MEIOB: variants seen among roughly 807,000 people sequenced by gnomAD.
MEIOB encodes the protein meiosis specific with OB-fold, also known as meiosis-specific with OB domain-containing protein.
A neutral mutation model predicts 53.1 loss-of-function variants in MEIOB; 50 were observed. The observed-to-expected ratio is 0.94, with a 90% CI of 0.75 to 1.19. The LOEUF (loss-of-function observed/expected upper bound fraction) is 1.19, where lower values mean the gene tolerates loss of function less well. MEIOB is among the 50% of genes most tolerant of loss of function. The pLI is 0.00. For synonymous variants in MEIOB, 192 were observed against 182.5 expected, an observed-to-expected ratio of 1.05 and a Z score of -0.42; for missense variants, 551 against 550.8, an observed-to-expected ratio of 1.00 and a Z score of 0.00.
chr16:1,865,380 C>G (rs970068479), intron 3 of MEIOB, among the ~76,000 whole-genome samples: 1 of 150,330 alleles, frequency 6.7e-6, no homozygotes, highest in South Asian at 2.1e-4. Flanking sequence ...TGCAGTGAGT[C>G]GAGATCGTGC....
chr16:1,844,941 C>T lies in MEIOB; in HGVS notation c.801G>A (p.Leu267=). 1.9e-6 allele frequency: 3 copies of T among 1,539,732 alleles called. No homozygotes were observed. The highest frequency in any genetic ancestry group is 2.7e-6 in the Non-Finnish European group (3 of 1,120,794). Residue 267 remains leucine (L), a synonymous_variant, in exon 10 of 14, where the codon CTG becomes CTA. Transcript: ENST00000325962. Reference sequence around the variant, plus strand: ...CTTTATTTTCTCGTATAAAATTCAGCAGAATGTTAGCTTCTGGTATATCTT... The same window carrying T: ...CTTTATTTTCTCGTATAAAATTCAGTAGAATGTTAGCTTCTGGTATATCTT... ...TNPDIPEANI[L]LNFIRENKET... is the part of the protein sequence containing the mutation.
chr16:1,851,639 T>C (rs1311437216), intron 9 of MEIOB, among the ~76,000 whole-genome samples: 1 of 150,428 alleles, frequency 6.6e-6, no homozygotes, highest in African/African-American at 2.4e-5. Flanking sequence ...ACAACATCCA[T>C]GTGTTGGATG....
chr16:1,857,770 C>A lies in MEIOB; in HGVS notation c.493G>T (p.Gly165Trp). The A allele has an allele frequency of 6.4e-7, 1 of 1,551,834 alleles. No homozygotes were observed. Among genetic ancestry groups the A allele is most frequent in the South Asian group, 1.2e-5 (1 of 83,862 alleles). The change falls in exon 6 of 14, where the codon GGG becomes TGG. Residue 165 changes from glycine (G) to tryptophan (W), a missense_variant. By Grantham distance (184) the Gly-to-Trp change is radical. Transcript: ENST00000325962. ...GCTGCAAGCACGTTAATAATCCTCC[C>A]ATTAAGACTGTGTCCATTTGCAACA... is the stretch of plus-strand genomic sequence containing the variant. ...DIVANGHSLN[G>W]RIINVLAAVK...
intron 10 of MEIOB, among the ~76,000 whole-genome samples, chr16:1,842,808 C>T (rs1287007284): frequency 6.6e-6 from 1 of 150,472 alleles, no homozygotes; most frequent in Non-Finnish European, 1.5e-5. Context: ...GCACTACGGG[C>T]GCCCGCCACC....
rs1423961770 is a variant in MEIOB at position 1,865,761 on chromosome 16, G to T, written c.127+17C>A. On this transcript the variant is annotated intron_variant, in intron 3 of 13. Coordinates refer to ENST00000325962, the MANE Select transcript of MEIOB (RefSeq NM_001163560.3). ...AAGTTGATGAAAAATGAAACCAAGA[G>T]TTAAACAGAACTCAGCTTTTTCTGT... is the stretch of plus-strand genomic sequence containing the variant. 9 of 1,536,246 alleles carry T rather than the reference G, an allele frequency of 5.9e-6. No homozygotes were observed. Among genetic ancestry groups the T allele is most frequent in the African/African-American group, 4.2e-5 (3 of 72,286 alleles).
At chr16:1,839,694 G>A (rs972100149) in intron 11 of MEIOB, 10 of 403,466 alleles carry the variant, frequency 2.5e-5, no homozygotes, top group East Asian at 1.9e-4. Context: ...CCAAGCCCTC[G>A]AGGTCCATCC....
rs148773917 is a variant in MEIOB, at chr16:1,852,911, A to G, written c.778+128T>C. On this transcript the variant is annotated intron_variant, in intron 9 of 13. Transcript: ENST00000325962. ...CATTGTAAGTTTTTAAAAAAGTTATATAAAGCAATTTTTACTTCTAATTTG... is the reference window on the plus strand; with the variant it reads ...CATTGTAAGTTTTTAAAAAAGTTATGTAAAGCAATTTTTACTTCTAATTTG... 10 of 639,988 alleles carry G rather than the reference A, an allele frequency of 1.6e-5. 1 individual carries two copies. The African/African-American group carries it at 1.6e-4, about 10-fold the overall frequency. The allele number at this position is 639,988 out of a possible 1,614,324, so 39.6% of individuals were successfully genotyped here.
Position 1,834,283 on chromosome 16 carries a change from T to C in MEIOB, c.1389A>G (p.Arg463=). The change falls in exon 14 of 14, where the codon AGA becomes AGG. Residue 463 remains arginine (R), a synonymous_variant. Transcript: ENST00000325962. ...AAACATGTTTTTGTCCAGACAAGTT[T>C]CTGCTTGCCTCAGTAGGATCTGCAA... ...CKLADPTEAS[R]NLSGQKHV is the part of the protein sequence containing the mutation. The C allele has an allele frequency of 6.2e-7, 1 of 1,610,714 alleles. No homozygotes were observed. The highest frequency in any genetic ancestry group is 8.5e-7 in the Non-Finnish European group (1 of 1,177,224).
chr16:1,855,053 TG>T (rs1899265996), intron 6 of MEIOB, among the ~76,000 whole-genome samples: 1 of 152,050 alleles, frequency 6.6e-6, no homozygotes, highest in African/African-American at 2.4e-5. Flanking sequence ...CATCTGGGGT[TG>T]GGAAGGTGGA....
At chr16:1,867,030 T>C (rs1301458368) in intron 2 of MEIOB, among the ~76,000 whole-genome samples, 1 of 152,204 alleles carries the variant, frequency 6.6e-6, no homozygotes, top group African/African-American at 2.4e-5. Context: ...AGACCATTAT[T>C]AGCAAATAGT....
intron 1 of MEIOB, among the ~76,000 whole-genome samples, chr16:1,868,651 C>A (rs192572549): frequency 6.6e-6 from 1 of 152,158 alleles, no homozygotes; most frequent in Non-Finnish European, 1.5e-5. Context: ...GTCAGGAGAT[C>A]GAGACCATCC....
intron 9 of MEIOB, among the ~76,000 whole-genome samples, chr16:1,845,800 C>T (rs894578610): frequency 2.0e-4 from 30 of 152,090 alleles, no homozygotes; most frequent in African/African-American, 5.6e-4. Context: ...GGCAGGAACG[C>T]GAGTTTGGAA....
intron 12 of MEIOB, chr16:1,838,088 C>G (rs756466372): frequency 3.1e-5 from 25 of 817,784 alleles, no homozygotes; most frequent in Non-Finnish European, 4.6e-5. Context: ...CCTCGAACTC[C>G]CGGGGTCAAG....
At chr16:1,845,861 T>A (rs1005660723) in intron 9 of MEIOB, among the ~76,000 whole-genome samples, 1 of 152,112 alleles carries the variant, frequency 6.6e-6, no homozygotes, top group Non-Finnish European at 1.5e-5. Context: ...CTCCGGCATA[T>A]GATTAAGTAC....
intron 6 of MEIOB, among the ~76,000 whole-genome samples, chr16:1,856,046 G>A (rs1016121737): frequency 6.6e-6 from 1 of 151,770 alleles, no homozygotes; most frequent in Non-Finnish European, 1.5e-5. Flanking sequence ...CCAGGCTGGA[G>A]TGCAGTGGCG....
intron 4 of MEIOB, among the ~76,000 whole-genome samples, chr16:1,861,521 C>T (rs558371131): frequency 4.0e-5 from 6 of 150,762 alleles, no homozygotes; most frequent in Non-Finnish European, 5.9e-5. Flanking sequence ...ATTCTGAATG[C>T]CTCGCATTGC....
At chr16:1,865,691 AG>A in intron 3 of MEIOB, 86 bp downstream of exon 3, 1 of 965,160 alleles carries the variant, frequency 1.0e-6, no homozygotes. Context: ...AAACAGGCAT[AG>A]AAAAATTAAT....
chr16:1,847,355 G>C (rs1245517992), intron 9 of MEIOB, among the ~76,000 whole-genome samples: 3 of 151,632 alleles, frequency 2.0e-5, no homozygotes, highest in Non-Finnish European at 4.4e-5. Flanking sequence ...CCAGCTACTT[G>C]GGGGGCTGAG....
rs144626961 is a variant in MEIOB at position 1,839,127 on chromosome 16, A to AT, written c.1218+127dup. The AT allele has an allele frequency of 5.5e-3, 6,154 of 1,124,716 alleles. 262 individuals are homozygous for AT. In the African/African-American group the frequency reaches 0.088, roughly 16 times the overall value. 69.7% of individuals were successfully genotyped at this position (1,124,716 alleles called of 1,614,324 possible). Reference sequence around the variant, plus strand: ...AGCAATGTGTGTTTAAAGCAAGATGATTTTTTCCCAGGCTGTTTATTAGTG... The same window carrying AT: ...AGCAATGTGTGTTTAAAGCAAGATGATTTTTTTCCCAGGCTGTTTATTAGTG... On this transcript the variant is annotated intron_variant, in intron 12 of 13. Coordinates refer to ENST00000325962, the MANE Select transcript of MEIOB (RefSeq NM_001163560.3).
Sources: allele counts gnomAD v4.1 joint callset (sites outside exome capture counted in the v4.1 genomes callset), GRCh38; gene constraint gnomAD v4.1.1; transcripts MANE v1.5; gene names NCBI Gene and HGNC (gene_info 2026-07-23, HGNC 2026-07-21).